GET1: variants seen among roughly 807,000 people sequenced by gnomAD.
GET1 encodes congenital heart disease 5 protein.
Under a neutral mutation model 22.6 loss-of-function variants are expected in GET1, and 20 were observed. That is an observed-to-expected ratio of 0.89 (90% CI 0.62 to 1.29). The LOEUF (loss-of-function observed/expected upper bound fraction) is 1.29. Ranked by LOEUF, GET1 falls within the 50% of genes most tolerant of loss-of-function variation. The pLI is 0.00. For synonymous variants in GET1, 92 were observed against 83.8 expected (o/e 1.10, Z -0.53); for missense variants, 209 against 219.9 (o/e 0.95, Z 0.31).
At position 39,396,930 on chromosome 21, in the gene GET1, G is replaced by A. The variant is rs141321319; in HGVS notation, c.516G>A (p.Pro172=). 2.5e-6 allele frequency: 4 copies of A among 1,613,942 alleles called. No homozygotes were observed. Among genetic ancestry groups the A allele is most frequent in the Admixed American group, 1.7e-5 (1 of 60,006 alleles). ...CNKVVAIVLH[P]FS is the part of the protein sequence containing the mutation. ...AAGTTGTCGCTATTGTGCTTCATCC[G>A]TTCAGCTGAACAGGAGGATGGATAC... is the stretch of plus-strand genomic sequence containing the variant. Residue 172 remains proline (P), a synonymous_variant, in exon 5 of 5, where the codon CCG becomes CCA. Coordinates refer to ENST00000649170, the MANE Select transcript of GET1 (RefSeq NM_004627.6).
chr21:39,391,430 G>A (rs934674936), intron 2 of GET1: 5 of 308,036 alleles, frequency 1.6e-5, no homozygotes, highest in African/African-American at 6.9e-5. Flanking sequence ...CCAGGGGTTC[G>A]TGTACTGTGC....
intron 1 of GET1, among the ~76,000 whole-genome samples, chr21:39,412,234 C>T (rs567672092): frequency 6.6e-6 from 1 of 152,126 alleles, no homozygotes; most frequent in Non-Finnish European, 1.5e-5. Flanking sequence ...CTAGTGACTA[C>T]AGTATTGGAT....
At chr21:39,423,402 A>G (rs2074073223) in intron 1 of GET1, 1 of 1,607,938 alleles carries the variant, frequency 6.2e-7, no homozygotes, top group South Asian at 1.1e-5. Flanking sequence ...GAGCCATAGC[A>G]TCTCTTCTTT....
downstream of GET1, chr21:39,409,866 T>A: frequency 1.6e-6 from 1 of 636,148 alleles, no homozygotes; most frequent in Non-Finnish European, 2.7e-6. This position sits in a 1 kb window ranked among gnomAD's most constrained non-coding sequence, Gnocchi z 4.2. Context: ...AGTGCTGGGA[T>A]TACAGGTGCG....
chr21:39,381,084 C>T (rs1031579068), intron 1 of GET1, among the ~76,000 whole-genome samples: 5 of 152,094 alleles, frequency 3.3e-5, no homozygotes, highest in African/African-American at 9.7e-5. Flanking sequence ...ATCATCCCAC[C>T]CTCCTTTACC....
chr21:39,394,444 T>C (rs1569041145), intron 4 of GET1, among the ~76,000 whole-genome samples: 1 of 152,234 alleles, frequency 6.6e-6, no homozygotes, highest in African/African-American at 2.4e-5. Context: ...GCACATCACA[T>C]GTTGTGCCTC....
chr21:39,427,340 G>T (rs936969524), intron 1 of GET1, among the ~76,000 whole-genome samples: 1 of 152,284 alleles, frequency 6.6e-6, no homozygotes, highest in Middle Eastern at 3.4e-3. Context: ...AATTTGGACA[G>T]CTGGGAGTTG....
intron 1 of GET1, chr21:39,386,479 C>T (rs2037911780): frequency 1.3e-5 from 2 of 152,362 alleles, no homozygotes; most frequent in African/African-American, 2.4e-5. Context: ...GGGCTGGTGG[C>T]CTGGAGAGCT....
At chr21:39,399,248 T>C (rs927095153), downstream of GET1, among the ~76,000 whole-genome samples, 1 of 152,194 alleles carries the variant, frequency 6.6e-6, no homozygotes, top group African/African-American at 2.4e-5. Flanking sequence ...GGTATAAAAA[T>C]AATACCTAAA....
At chr21:39,406,246 C>T (rs934878139) in exon 5 of GET1, 4 of 1,614,112 alleles carry the variant, frequency 2.5e-6, no homozygotes, top group Admixed American at 3.3e-5. Context: ...ATGACTGTAC[C>T]TCATGTTGCC....
chr21:39,384,400 G>A (rs990588100), intron 1 of GET1, among the ~76,000 whole-genome samples: 2 of 151,862 alleles, frequency 1.3e-5, no homozygotes, highest in Non-Finnish European at 2.9e-5. Context: ...GGGATTACAT[G>A]CATGCACCAC....
At chr21:39,419,803 C>T (rs2837018) in intron 1 of GET1, among the ~76,000 whole-genome samples, 34,988 of 151,974 alleles carry the variant, frequency 0.23, 4,529 homozygotes, top group African/African-American at 0.35. Flanking sequence ...CTTGAAACAG[C>T]GTATTTCTTA....
downstream of GET1, chr21:39,410,492 A>AAT (rs931895972): frequency 9.1e-5 from 51 of 562,124 alleles, no homozygotes; most frequent in Non-Finnish European, 3.1e-5. Context: ...CTAAATATTC[A>AAT]ATATATATAT....
chr21:39,420,522 CA>C lies in GET1; in HGVS notation c.*24-7691del, dbSNP rs397972848. On this transcript the variant is annotated intron_variant, in intron 1 of 1. Transcript: ENST00000478273. ...TGGGTGACAGAGCAAGATTCTATCT[CA>C]AAAAAAAAAAAAAAAAAAGATAAAC... Among the ~76,000 whole-genome samples the C allele has an allele frequency of 4.1e-3, 354 of 87,142 alleles. 1 individual carries two copies. Among genetic ancestry groups the C allele is most frequent in the African/African-American group, 0.016 (330 of 20,070 alleles). 57.2% of individuals were successfully genotyped at this position (87,142 alleles called of 152,430 possible).
At chr21:39,383,331 G>C (rs2146910058) in intron 1 of GET1, among the ~76,000 whole-genome samples, 1 of 151,208 alleles carries the variant, frequency 6.6e-6, no homozygotes, top group African/African-American at 2.4e-5. Flanking sequence ...GCCCAGGCTG[G>C]AGTGCAATGG....
At chr21:39,380,940 A>G in intron 1 of GET1, 1 of 997,506 alleles carries the variant, frequency 1.0e-6, no homozygotes, top group Non-Finnish European at 1.2e-6. Context: ...GGTGGGAGAC[A>G]GGTGTAGAGA....
At chr21:39,385,600 C>T (rs2037831629) in intron 1 of GET1, among the ~76,000 whole-genome samples, 1 of 152,210 alleles carries the variant, frequency 6.6e-6, no homozygotes, top group Admixed American at 6.5e-5. Context: ...TGGTGAGCAC[C>T]GGCTCTGCAG....
intron 1 of GET1, among the ~76,000 whole-genome samples, chr21:39,421,400 T>C (rs1032129204): frequency 6.6e-6 from 1 of 152,186 alleles, no homozygotes; most frequent in African/African-American, 2.4e-5. Context: ...GATTTAAACA[T>C]TCTGACCAGA....
At position 39,396,913 on chromosome 21, in the gene GET1, G is replaced by A. The variant is rs1601643657; in HGVS notation, c.499G>A (p.Ala167Thr). The A allele has an allele frequency of 5.0e-6, 8 of 1,613,990 alleles. No homozygotes were observed. The highest frequency in any genetic ancestry group is 1.6e-4 in the Middle Eastern group (1 of 6,062). Residue 167 changes from alanine (A) to threonine (T), a missense_variant, in exon 5 of 5, where the codon GCT (alanine) becomes ACT (threonine). Ala to Thr is a moderately conservative substitution (Grantham distance 58). Transcript: ENST00000649170. ...GATTTTAGTCTGTAACAAAGTTGTC[G>A]CTATTGTGCTTCATCCGTTCAGCTG... ...CWILVCNKVV[A>T]IVLHPFS
Sources: gnomAD v4.1 joint callset for allele counts (sites outside exome capture counted in the v4.1 genomes callset) on GRCh38, gnomAD v4.1.1 for gene constraint, Gnocchi (gnomAD v3.1) non-coding constraint, MANE v1.5 for transcripts, NCBI Gene and HGNC (gene_info 2026-07-23, HGNC 2026-07-21) for gene names.